The following NIPSNAP3A variants were observed in gnomAD, a reference collection of about 807,000 sequenced individuals.
NIPSNAP3A encodes nipsnap homolog 3A, also known as protein NipSnap homolog 3A.
In NIPSNAP3A, 27 loss-of-function variants were observed where a neutral mutation model predicts 32.3. The observed-to-expected ratio is 0.84, with a 90% CI of 0.62 to 1.15. The LOEUF (loss-of-function observed/expected upper bound fraction) is 1.15. Among genes scored for constraint, NIPSNAP3A ranks in the 50% most tolerant of loss-of-function variants. The pLI, the probability that NIPSNAP3A is intolerant of heterozygous loss-of-function variation, is 0.00. For synonymous variants in NIPSNAP3A, 108 were observed against 107.3 expected (o/e 1.01, Z -0.04); for missense variants, 278 against 297.2 (o/e 0.94, Z 0.48).
chr9:104,755,316 T>C (rs967240488), intron 4 of NIPSNAP3A, among the ~76,000 whole-genome samples: 2 of 151,932 alleles, frequency 1.3e-5, no homozygotes, highest in Non-Finnish European at 2.9e-5. Context: ...GAATGTACTT[T>C]TATTGATTTT....
chr9:104,752,929 G>C lies in NIPSNAP3A; in HGVS notation c.295G>C (p.Val99Leu). ...KYDNFAHRTEVRKALAKDKEW... is the reference protein window; with the variant it reads ...KYDNFAHRTELRKALAKDKEW... ...AGATAATTTTGCTCATCGAACTGAA[G>C]TTCGGAAAGCCTTGGCCAAAGATAA... The change falls in exon 3 of 6, where the codon GTT becomes CTT. Residue 99 changes from valine (V) to leucine (L), a missense_variant. Coordinates refer to ENST00000374767, the MANE Select transcript of NIPSNAP3A (RefSeq NM_015469.3). 1 of 1,613,388 alleles carries C rather than the reference G, an allele frequency of 6.2e-7. No individual in the cohort carries two copies. Among genetic ancestry groups the C allele is most frequent in the Non-Finnish European group, 8.5e-7 (1 of 1,179,490 alleles).
intron 3 of NIPSNAP3A, 92 bp from the exon 4 acceptor site, chr9:104,754,457 CTG>C: frequency 9.8e-7 from 1 of 1,020,460 alleles, no homozygotes; most frequent in Non-Finnish European, 1.5e-6. Context: ...TCCTCCAAAT[CTG>C]TGTGTGTAGA....
chr9:104,755,404 C>T (rs1358824622), intron 4 of NIPSNAP3A, among the ~76,000 whole-genome samples: 5 of 151,674 alleles, frequency 3.3e-5, no homozygotes, highest in African/African-American at 4.8e-5. Flanking sequence ...AATATGAAAA[C>T]CCCCCTCATA....
At chr9:104,753,092 T>A (rs1018469109) in intron 3 of NIPSNAP3A, 28 bp downstream of exon 3, 2 of 1,587,306 alleles carry the variant, frequency 1.3e-6, no homozygotes, top group Middle Eastern at 3.3e-4. Context: ...AGTCACTGAG[T>A]TTTGATGAAT....
chr9:104,749,802 T>A (rs1827824239), intron 1 of NIPSNAP3A, among the ~76,000 whole-genome samples: 2 of 152,202 alleles, frequency 1.3e-5, no homozygotes, highest in South Asian at 4.1e-4. Flanking sequence ...GTATGACTAT[T>A]ACAAAAGGAA....
rs368214984 is a variant in NIPSNAP3A at position 104,751,027 on chromosome 9, T to G, written c.132T>G (p.Leu44=). The G allele has an allele frequency of 2.5e-6, 4 of 1,613,914 alleles. No individual in the cohort carries two copies. The African/African-American group carries it at 5.3e-5, about 22-fold the overall frequency. ...GIFYEFRSYY[L]KPSKMNEFLE... Reference sequence around the variant, plus strand: ...TCTATGAATTTCGTTCTTATTACCTTAAGCCCTCAAAGATGAATGAGTTCC... The same window carrying G: ...TCTATGAATTTCGTTCTTATTACCTGAAGCCCTCAAAGATGAATGAGTTCC... The change falls in exon 2 of 6, where the codon CTT becomes CTG. Residue 44 remains leucine, a synonymous_variant. Transcript: ENST00000374767.
chr9:104,752,891 C>T lies in NIPSNAP3A; in HGVS notation c.272-15C>T, dbSNP rs200286786. The T allele has an allele frequency of 6.2e-6, 10 of 1,607,126 alleles. No homozygotes were observed. In the African/African-American group the frequency reaches 1.2e-4, roughly 19 times the overall value. Reference sequence around the variant, plus strand: ...ATTGAATTTTTTATTTTTCTTAATTCTTTTCTTCCCACAGATAATTTTGCT... The same window carrying T: ...ATTGAATTTTTTATTTTTCTTAATTTTTTTCTTCCCACAGATAATTTTGCT... On this transcript the variant is annotated splice_polypyrimidine_tract_variant and intron_variant, in intron 2 of 5. Coordinates refer to ENST00000374767, the MANE Select transcript of NIPSNAP3A (RefSeq NM_015469.3).
chr9:104,751,261 G>T, intron 2 of NIPSNAP3A, 95 bp downstream of exon 2: 2 of 1,120,198 alleles, frequency 1.8e-6, no homozygotes, highest in East Asian at 2.4e-5. Flanking sequence ...TTAGTTCTTG[G>T]ATGTATATTA....
intron 3 of NIPSNAP3A, 124 bp downstream of exon 3, chr9:104,753,188 A>G (rs1229969051): frequency 6.3e-6 from 5 of 795,862 alleles, no homozygotes; most frequent in Non-Finnish European, 2.1e-6. Flanking sequence ...AGAAACATAC[A>G]GTGATTGTTG....
At chr9:104,754,748 A>G in intron 4 of NIPSNAP3A, 48 bp downstream of exon 4, 1 of 1,493,064 alleles carries the variant, frequency 6.7e-7, no homozygotes, top group Non-Finnish European at 9.3e-7. Flanking sequence ...ATATATTGTG[A>G]CCTAAGTTCC....
At chr9:104,750,215 T>G (rs1409022202) in intron 1 of NIPSNAP3A, among the ~76,000 whole-genome samples, 1 of 152,236 alleles carries the variant, frequency 6.6e-6, no homozygotes, top group Non-Finnish European at 1.5e-5. Flanking sequence ...AGATGCAATA[T>G]TGGCTAATAG....
chr9:104,751,083 G>A lies in NIPSNAP3A; in HGVS notation c.188G>A (p.Arg63Gln), dbSNP rs771421982. Reference sequence around the variant, plus strand: ...AATTTTGAGAAAAACGCTCATCTTCGGACAGCTCACTCTGAATTGGTTGGA... The same window carrying A: ...AATTTTGAGAAAAACGCTCATCTTCAGACAGCTCACTCTGAATTGGTTGGA... ...LENFEKNAHL[R>Q]TAHSELVGYW... Residue 63 changes from arginine to glutamine, a missense_variant, in exon 2 of 6, where the codon CGG (arginine) becomes CAG (glutamine). Arg to Gln is a conservative substitution (Grantham distance 43). Coordinates refer to ENST00000374767, the MANE Select transcript of NIPSNAP3A (RefSeq NM_015469.3). 1.9e-5 allele frequency: 30 copies of A among 1,613,820 alleles called. No homozygotes were observed. The highest frequency in any genetic ancestry group is 3.3e-5 in the Admixed American group (2 of 60,000).
At chr9:104,753,946 A>G (rs1001179001) in intron 3 of NIPSNAP3A, 4 of 152,398 alleles carry the variant, frequency 2.6e-5, no homozygotes, top group African/African-American at 9.6e-5. Context: ...TCTCTCCACC[A>G]GCCCTATACT....
intron 4 of NIPSNAP3A, among the ~76,000 whole-genome samples, chr9:104,755,068 C>T (rs1827890421): frequency 6.6e-6 from 1 of 151,978 alleles, no homozygotes. Context: ...GGTGAAACCC[C>T]GTCTCTAGTA....
At chr9:104,756,847 G>A (rs369356908) in intron 4 of NIPSNAP3A, among the ~76,000 whole-genome samples, 5 of 135,824 alleles carry the variant, frequency 3.7e-5, no homozygotes, top group African/African-American at 1.1e-4. Flanking sequence ...ATGGAGCCTC[G>A]CTCTGTGGAG....
chr9:104,747,949 T>G, intron 1 of NIPSNAP3A, 97 bp downstream of exon 1: 1 of 1,220,664 alleles, frequency 8.2e-7, no homozygotes. Flanking sequence ...GCATGCGCTC[T>G]CCGCCACGCG....
chr9:104,755,752 C>A (rs1282991873), intron 4 of NIPSNAP3A, among the ~76,000 whole-genome samples: 1 of 151,544 alleles, frequency 6.6e-6, no homozygotes, highest in African/African-American at 2.4e-5. Context: ...CTTGTCTCTA[C>A]AAAAAAAATT....
intron 1 of NIPSNAP3A, 59 bp downstream of exon 1, chr9:104,747,911 G>T (rs1827795604): frequency 2.4e-6 from 3 of 1,227,202 alleles, no homozygotes; most frequent in Non-Finnish European, 3.4e-6. Flanking sequence ...GCGGGGCGGG[G>T]AGTGTTCCGG....
chr9:104,755,901 CAT>C (rs1827900954), intron 4 of NIPSNAP3A, among the ~76,000 whole-genome samples: 1 of 151,510 alleles, frequency 6.6e-6, no homozygotes, highest in South Asian at 2.1e-4. Context: ...CCCTGAACGA[CAT>C]AGTGAGACCC....
Sources: gnomAD v4.1 joint callset for allele counts (sites outside exome capture counted in the v4.1 genomes callset) on GRCh38, gnomAD v4.1.1 for gene constraint, MANE v1.5 for transcripts, NCBI Gene and HGNC (gene_info 2026-07-23, HGNC 2026-07-21) for gene names.